TTC7B: variants seen among roughly 807,000 people sequenced by gnomAD.
TTC7B encodes tetratricopeptide repeat domain 7B.
Under a neutral mutation model 106.8 loss-of-function variants are expected in TTC7B, and 28 were observed. That is an observed-to-expected ratio of 0.26 (90% CI 0.19 to 0.36). The LOEUF (loss-of-function observed/expected upper bound fraction) is 0.36, where lower values mean the gene tolerates loss of function less well. Among genes scored for constraint, TTC7B ranks in the 10% least tolerant of loss-of-function variants. The pLI, the probability that TTC7B is intolerant of heterozygous loss-of-function variation, is 1.00. For synonymous variants in TTC7B, 405 were observed against 430.6 expected, an observed-to-expected ratio of 0.94 and a Z score of 0.74; for missense variants, 862 against 1,076.4, an observed-to-expected ratio of 0.80 and a Z score of 2.79.
intron 5 of TTC7B, among the ~76,000 whole-genome samples, chr14:90,707,696 C>G (rs72693596): frequency 0.092 from 13,952 of 152,276 alleles, 832 homozygotes; most frequent in Middle Eastern, 0.14. Flanking sequence ...AAAGCAGCCT[C>G]AACATTCCCT....
At chr14:90,644,257 G>A (rs76773245) in intron 14 of TTC7B, 49 bp from the exon 15 acceptor site, 60 of 1,173,222 alleles carry the variant, frequency 5.1e-5, no homozygotes, top group African/African-American at 2.4e-4. Context: ...ACATGCACAC[G>A]CACACACACA....
chr14:90,786,413 A>G (rs945917254), intron 1 of TTC7B, 85 bp from the exon 2 acceptor site: 2 of 1,535,166 alleles, frequency 1.3e-6, no homozygotes, highest in African/African-American at 2.7e-5. Flanking sequence ...CAGAACCACC[A>G]CCCTCCGAGG....
Position 90,655,109 on chromosome 14 carries a change from A to C in TTC7B, c.1343T>G (p.Leu448Trp). ...TTTGGCAAACTTTTCAGCCTCTTCC[A>C]ACTGAAAAATGAGACAAGTTAAAAA... ...AKLCMGSLHW[L>W]EEAEKFAKTV... Residue 448 changes from leucine (L) to tryptophan (W), a missense_variant and splice_region_variant, in exon 12 of 20, where the codon TTG (leucine) becomes TGG (tryptophan). Leu to Trp is a moderately conservative substitution (Grantham distance 61). Transcript: ENST00000328459. 6.2e-7 allele frequency: 1 copy of C among 1,611,270 alleles called. No individual in the cohort carries two copies. The highest frequency in any genetic ancestry group is 1.1e-5 in the South Asian group (1 of 91,034).
rs1360925846 is a variant in TTC7B at position 90,527,582 on chromosome 14, T to TG, written c.*13785dup. 4.1e-5 allele frequency: 6 copies of TG among 147,678 alleles called. No homozygotes were observed. Among genetic ancestry groups the TG allele is most frequent in the Non-Finnish European group, 6.0e-5 (4 of 67,106 alleles). 9.1% of individuals were successfully genotyped at this position (147,678 alleles called of 1,614,324 possible). A position where few individuals can be genotyped will look rare whatever the true frequency, so the allele number is the denominator to read the frequency against. On this transcript the variant is annotated 3_prime_UTR_variant, in exon 20 of 20. Transcript: ENST00000328459. ...TCACTTTTTTTTTTTTTTTTTGAGA[T>TG]GGAGTCTCACTCTGTCGCCCAGGTG...
rs140118965 is a variant in TTC7B at position 90,768,510 on chromosome 14, C to T, written c.445+12228G>A. Among the ~76,000 whole-genome samples the T allele has an allele frequency of 6.9e-3, 1,048 of 152,324 alleles. 7 individuals are homozygous for T. Among genetic ancestry groups the T allele is most frequent in the Non-Finnish European group, 0.01 (712 of 68,032 alleles). On this transcript the variant is annotated intron_variant, in intron 3 of 19. Coordinates refer to ENST00000328459, the MANE Select transcript of TTC7B (RefSeq NM_001010854.2). ...CCCTTGATACATGGGGAATACAGAT[C>T]CCTCCCTCAACACATGGGTATTACA...
rs2030534635 is a variant in TTC7B, at chr14:90,805,235, G to A, written c.121+10940C>T. Among the ~76,000 whole-genome samples, 2 of 152,172 alleles carry A rather than the reference G, an allele frequency of 1.3e-5. No individual in the cohort carries two copies. Among genetic ancestry groups the A allele is most frequent in the Admixed American group, 6.5e-5 (1 of 15,278 alleles). Reference sequence around the variant, plus strand: ...CACAGTAGGTGTTCAGTAAGAGCTCGATGAGTAATGAATCTAAGTAAACTC... The same window carrying A: ...CACAGTAGGTGTTCAGTAAGAGCTCAATGAGTAATGAATCTAAGTAAACTC... On this transcript the variant is annotated intron_variant, in intron 1 of 19. Transcript: ENST00000328459. The surrounding 1 kb of genome is among the most constrained non-coding windows in gnomAD (Gnocchi z 4.0).
At chr14:90,696,819 G>A (rs1887769274) in intron 5 of TTC7B, among the ~76,000 whole-genome samples, 1 of 152,186 alleles carries the variant, frequency 6.6e-6, no homozygotes, top group Admixed American at 6.5e-5. Context: ...AGGATGCCAA[G>A]CAGCACTAAA....
chr14:90,548,283 A>G (rs1281449984), intron 19 of TTC7B, among the ~76,000 whole-genome samples: 5 of 152,188 alleles, frequency 3.3e-5, no homozygotes, highest in African/African-American at 9.6e-5. Context: ...AGTGTCAGGG[A>G]TGGTACTGGA....
At chr14:90,550,739 G>T (rs1431795936) in intron 19 of TTC7B, among the ~76,000 whole-genome samples, 1 of 152,182 alleles carries the variant, frequency 6.6e-6, no homozygotes, top group East Asian at 1.9e-4. Flanking sequence ...GGACCACCAT[G>T]ATTTGTCTTT....
rs61986998 is a variant in TTC7B at position 90,567,945 on chromosome 14, A to G, written c.2310+10161T>C. ...TAGACCTTTGGGCTCAGTGATTTAA[A>G]CTCGGTCTGAAGGTCCAGATCACAC... On this transcript the variant is annotated intron_variant, in intron 19 of 19. Coordinates refer to ENST00000328459, the MANE Select transcript of TTC7B (RefSeq NM_001010854.2). Among the ~76,000 whole-genome samples the G allele has an allele frequency of 6.5e-3, 981 of 151,860 alleles. 5 individuals carry two copies. Among genetic ancestry groups the G allele is most frequent in the Middle Eastern group, 0.037 (11 of 294 alleles).
At chr14:90,766,960 C>A (rs61741693) in intron 3 of TTC7B, 13 of 1,454,418 alleles carry the variant, frequency 8.9e-6, no homozygotes, top group Non-Finnish European at 1.2e-5. Flanking sequence ...CCGCCATGGC[C>A]GCACTGTGGG....
intron 18 of TTC7B, among the ~76,000 whole-genome samples, chr14:90,584,495 A>G (rs1891635558): frequency 6.6e-6 from 1 of 152,152 alleles, no homozygotes; most frequent in Non-Finnish European, 1.5e-5. Context: ...GCCTGGAGGA[A>G]TGCAAGGAAG....
At position 90,550,801 on chromosome 14, in the gene TTC7B, G is replaced by T. The variant is rs182330041; in HGVS notation, c.2311-9212C>A. On this transcript the variant is annotated intron_variant, in intron 19 of 19. Transcript: ENST00000328459. ...GGTACAGAAGAGGCTCTTGGGGAAT[G>T]CTTGCTGGATAGATGGAGGGATGGA... 3.3e-5 allele frequency among the ~76,000 whole-genome samples: 5 copies of T among 152,302 alleles called. No individual in the cohort carries two copies. The East Asian group carries it at 9.7e-4, about 29-fold the overall frequency.
chr14:90,795,722 T>G (rs2140050553), intron 1 of TTC7B, among the ~76,000 whole-genome samples: 1 of 152,290 alleles, frequency 6.6e-6, no homozygotes, highest in South Asian at 2.1e-4. Flanking sequence ...ACCATCCATT[T>G]AGGATTGACT....
chr14:90,596,821 T>A (rs1231430227), intron 17 of TTC7B, among the ~76,000 whole-genome samples: 2 of 152,158 alleles, frequency 1.3e-5, no homozygotes, highest in African/African-American at 4.8e-5. Context: ...AAGTATTAGG[T>A]AAATGAGTGT....
At chr14:90,652,720 C>T (rs1270373111) in intron 13 of TTC7B, 121 bp downstream of exon 13, 19 of 1,133,090 alleles carry the variant, frequency 1.7e-5, no homozygotes, top group Middle Eastern at 2.5e-4. Flanking sequence ...GTGCTCAGGA[C>T]GAAAGACTCT....
chr14:90,813,576 A>C (rs1284789192), intron 1 of TTC7B, among the ~76,000 whole-genome samples: 1 of 152,144 alleles, frequency 6.6e-6, no homozygotes, highest in Non-Finnish European at 1.5e-5. Context: ...ACTGAGGCTC[A>C]GAGTGGTTAA....
chr14:90,541,673 C>A lies in TTC7B; in HGVS notation c.2311-84G>T. The stretch of plus-strand genomic sequence containing the variant: ...TCCTACTTGTCCTCGAGTTTCCAGT[C>A]AGTTCCTCGGAGCCGGGAATATATC... On this transcript the variant is annotated intron_variant, in intron 19 of 19. Transcript: ENST00000328459. 3 of 1,138,138 alleles carry A rather than the reference C, an allele frequency of 2.6e-6. No individual in the cohort carries two copies. The South Asian group carries it at 6.1e-5, about 23-fold the overall frequency. 70.5% of individuals were successfully genotyped at this position (1,138,138 alleles called of 1,614,324 possible).
intron 7 of TTC7B, among the ~76,000 whole-genome samples, 160 bp downstream of exon 7, chr14:90,689,380 G>A (rs941395336): frequency 3.3e-5 from 5 of 152,180 alleles, no homozygotes; most frequent in South Asian, 2.1e-4. Context: ...CTGAAGTTAC[G>A]AAAAGTAATG....
Sources: gnomAD v4.1 joint callset for allele counts (sites outside exome capture counted in the v4.1 genomes callset) on GRCh38, gnomAD v4.1.1 for gene constraint, Gnocchi (gnomAD v3.1) non-coding constraint, MANE v1.5 for transcripts, NCBI Gene and HGNC (gene_info 2026-07-23, HGNC 2026-07-21) for gene names.